Variants in ARHGAP29 observed in about 807,000 individuals in gnomAD.
The protein encoded by ARHGAP29 is Rho GTPase activating protein 29, also known as rho GTPase-activating protein 29.
A neutral mutation model predicts 122.6 loss-of-function variants in ARHGAP29; 43 were observed. That is an observed-to-expected ratio of 0.35 (90% CI 0.27 to 0.45). The LOEUF is 0.45. Among genes scored for constraint, ARHGAP29 ranks in the 20% least tolerant of loss-of-function variants. ARHGAP29 has a pLI of 1.00. For synonymous variants in ARHGAP29, 506 were observed against 497.1 expected (o/e 1.02, Z -0.24); for missense variants, 1,303 against 1,477.2 (o/e 0.88, Z 1.93).
the ARHGAP29 span, among the ~76,000 whole-genome samples, chr1:94,292,748 C>T: frequency 9.2e-5 from 14 of 152,246 alleles, no homozygotes; most frequent in Admixed American, 2.6e-4. Context: ...GCTGGAGGTC[C>T]GCTCCAGACC....
upstream of ARHGAP29, among the ~76,000 whole-genome samples, chr1:94,241,370 C>T (rs994673856): frequency 5.3e-5 from 8 of 152,036 alleles, no homozygotes; most frequent in African/African-American, 1.7e-4. Context: ...AATCCCAGCA[C>T]GTTGGGAGGC....
Position 94,172,010 on chromosome 1 carries a change from A to AC in ARHGAP29, c.*1858dup, listed in dbSNP as rs1194775536. ...AAATGGTAAATGTTATGTGTATTTTACCACAATAAAAATTTTTTAAAGTTG... is the reference window on the plus strand; with the variant it reads ...AAATGGTAAATGTTATGTGTATTTTACCCACAATAAAAATTTTTTAAAGTTG... On this transcript the variant is annotated 3_prime_UTR_variant, in exon 23 of 23. Transcript: ENST00000260526. 6.6e-6 allele frequency: 1 copy of AC among 152,006 alleles called. No homozygotes were observed. Among genetic ancestry groups the AC allele is most frequent in the Non-Finnish European group, 1.5e-5 (1 of 67,972 alleles). The allele number at this position is 152,006 out of a possible 1,614,324, so 9.4% of individuals were successfully genotyped here.
At position 94,210,943 on chromosome 1, in the gene ARHGAP29, C is replaced by A. The variant is rs148662251; in HGVS notation, c.341-1593G>T. The stretch of plus-strand genomic sequence containing the variant: ...AAAGATTTCTATACAAAGGACATTA[C>A]CAGGGATAAAAAGAGTCATTTATAA... On this transcript the variant is annotated intron_variant, in intron 3 of 22. Coordinates refer to ENST00000260526, the MANE Select transcript of ARHGAP29 (RefSeq NM_004815.4). Among the ~76,000 whole-genome samples the A allele has an allele frequency of 8.2e-3, 1,239 of 150,332 alleles. 23 individuals are homozygous for A. The highest frequency in any genetic ancestry group is 0.029 in the African/African-American group (1,176 of 40,966).
rs747431292 is a variant in ARHGAP29 at position 94,184,154 on chromosome 1, C to T, written c.2244G>A (p.Arg748=). ...TTTCAAGGGTAAAAATTTTTACCTGCCGAAGGTATAATTTCAAGACGTCAC... is the reference window on the plus strand; with the variant it reads ...TTTCAAGGGTAAAAATTTTTACCTGTCGAAGGTATAATTTCAAGACGTCAC... The part of the protein sequence containing the change: ...DICDVLKLYL[R]QLPEPFILFR... Residue 748 remains arginine (R), a synonymous_variant, in exon 19 of 23, where the codon CGG becomes CGA. Coordinates refer to ENST00000260526, the MANE Select transcript of ARHGAP29 (RefSeq NM_004815.4). 1 of 1,604,120 alleles carries T rather than the reference C, an allele frequency of 6.2e-7. No homozygotes were observed. The highest frequency in any genetic ancestry group is 2.2e-5 in the East Asian group (1 of 44,666).
At chr1:94,220,544 T>G (rs1010280142) in intron 2 of ARHGAP29, 152 bp from the exon 3 acceptor site, 1 of 604,800 alleles carries the variant, frequency 1.7e-6, no homozygotes, top group South Asian at 2.4e-5. Context: ...GCTGCAATTA[T>G]ATACAATTTA....
At position 94,203,994 on chromosome 1, in the gene ARHGAP29, T is replaced by A; in HGVS notation, c.698A>T (p.Glu233Val). The change falls in exon 8 of 23, where the codon GAA (glutamate) becomes GTA (valine). Residue 233 changes from glutamate (E) to valine (V), a missense_variant and splice_region_variant. This residue lies in a region of ARHGAP29 where 592 missense variants were observed against 648.2 expected (regional missense o/e 0.91). Transcript: ENST00000260526. ...GACCATATTTCTAGTGGACTCCAAT[T>A]CTGAAAAGTTCAAAGAGGGTATCAG... ...VSWVEKKLNL[E>V]LESTRNMVKL... The A allele has an allele frequency of 6.2e-7, 1 of 1,613,532 alleles. No individual in the cohort carries two copies.
chr1:94,198,623 A>C (rs1185584395), intron 12 of ARHGAP29, among the ~76,000 whole-genome samples: 3 of 152,194 alleles, frequency 2.0e-5, no homozygotes, highest in Non-Finnish European at 4.4e-5. Context: ...TAAATCTAAC[A>C]CAACTTATTA....
chr1:94,277,838 G>T (rs1655241304), upstream of ARHGAP29, among the ~76,000 whole-genome samples: 1 of 152,166 alleles, frequency 6.6e-6, no homozygotes, highest in Non-Finnish European at 1.5e-5. Flanking sequence ...GATCTTTATT[G>T]GAGGGAGGCA....
At chr1:94,226,702 GTACAGGTGTAA>G (rs1185434953) in intron 2 of ARHGAP29, among the ~76,000 whole-genome samples, 1 of 151,172 alleles carries the variant, frequency 6.6e-6, no homozygotes, top group African/African-American at 2.4e-5. Flanking sequence ...CCGAGAACTG[GTACAGGTGTAA>G]TAAATGAGCT....
At chr1:94,196,263 T>TTC (rs1557852236) in intron 12 of ARHGAP29, among the ~76,000 whole-genome samples, 1 of 135,236 alleles carries the variant, frequency 7.4e-6, no homozygotes. Flanking sequence ...TTTCTTTTTT[T>TTC]TTTTTTTTTT....
At chr1:94,201,887 C>T in intron 11 of ARHGAP29, 30 bp from the exon 12 acceptor site, 1 of 1,483,106 alleles carries the variant, frequency 6.7e-7, no homozygotes, top group Non-Finnish European at 9.1e-7. Flanking sequence ...AAAAAAATAA[C>T]ACTAGAATTT....
chr1:94,199,907 C>A lies in ARHGAP29; in HGVS notation c.1281+1813G>T, dbSNP rs143847512. 1.9e-3 allele frequency among the ~76,000 whole-genome samples: 294 copies of A among 152,286 alleles called. 2 individuals carry two copies. Among genetic ancestry groups the A allele is most frequent in the African/African-American group, 6.8e-3 (283 of 41,566 alleles). ...TTTCTGTGTCACTCCGATAAAGTAA[C>A]ATCCTGTGGGTATAATTTTATTATA... On this transcript the variant is annotated intron_variant, in intron 12 of 22. Coordinates refer to ENST00000260526, the MANE Select transcript of ARHGAP29 (RefSeq NM_004815.4).
chr1:94,314,055 C>T, the ARHGAP29 span, among the ~76,000 whole-genome samples: 1 of 152,202 alleles, frequency 6.6e-6, no homozygotes, highest in African/African-American at 2.4e-5. Flanking sequence ...AGCAAACCAA[C>T]GTGGCACATG....
intron 12 of ARHGAP29, chr1:94,195,787 TA>T (rs1557851744): frequency 6.6e-6 from 1 of 151,838 alleles, no homozygotes; most frequent in East Asian, 1.9e-4. Flanking sequence ...TTAAATATGA[TA>T]AAATTAAAAG....
At chr1:94,252,385 A>ATTTT (rs1215777790) in intron 1 of ARHGAP29, among the ~76,000 whole-genome samples, 2 of 152,220 alleles carry the variant, frequency 1.3e-5, no homozygotes, top group African/African-American at 4.8e-5. Flanking sequence ...AGTAAAAGTG[A>ATTTT]AGCCTCTGGT....
chr1:94,276,055 C>T (rs1004560488), upstream of ARHGAP29, among the ~76,000 whole-genome samples: 4 of 151,688 alleles, frequency 2.6e-5, no homozygotes, highest in South Asian at 2.1e-4. Context: ...GCCAGGAGTT[C>T]GAGACAAGCC....
intron 12 of ARHGAP29, among the ~76,000 whole-genome samples, chr1:94,201,318 A>G (rs1650829322): frequency 6.6e-6 from 1 of 152,212 alleles, no homozygotes; most frequent in Non-Finnish European, 1.5e-5. Context: ...ACTGTATATC[A>G]CTATGAAAAA....
chr1:94,234,805 T>C (rs1258703316), intron 1 of ARHGAP29, among the ~76,000 whole-genome samples: 1 of 152,224 alleles, frequency 6.6e-6, no homozygotes, highest in Non-Finnish European at 1.5e-5. Context: ...TGCAGTTTAC[T>C]TAATAACGTC....
At position 94,202,700 on chromosome 1, in the gene ARHGAP29, T is replaced by A. The variant is rs755149973; in HGVS notation, c.987A>T (p.Lys329Asn). The A allele has an allele frequency of 1.9e-6, 3 of 1,613,768 alleles. No individual in the cohort carries two copies. The highest frequency in any genetic ancestry group is 2.5e-6 in the Non-Finnish European group (3 of 1,180,010). The change falls in exon 11 of 23, where the codon AAA becomes AAT. Residue 329 changes from lysine to asparagine, a missense_variant. Lys to Asn is a moderately conservative substitution (Grantham distance 94). Around this residue, in one of 3 missense-constraint regions of ARHGAP29, gnomAD observed 592 missense variants for 648.2 expected, o/e 0.91. Transcript: ENST00000260526. The stretch of plus-strand genomic sequence containing the variant: ...CATCTTGACGTTGCATGCATAATAA[T>A]TTTGCCTTTTTGAGAGCATTCTCTG... ...LEAENALKKA[K>N]LLCMQRQDEY...
Sources: gnomAD v4.1 joint callset for allele counts (sites outside exome capture counted in the v4.1 genomes callset) on GRCh38, gnomAD v4.1.1 for gene constraint, gnomAD v4.1.1 regional missense constraint, MANE v1.5 for transcripts, NCBI Gene and HGNC (gene_info 2026-07-23, HGNC 2026-07-21) for gene names.